Variants in SPECC1L observed in about 807,000 individuals in gnomAD.
SPECC1L encodes the protein sperm antigen with calponin homology and coiled-coil domains 1 like.
In SPECC1L, 40 loss-of-function variants were observed where a neutral mutation model predicts 116.8. The observed-to-expected ratio is 0.34, with a 90% CI of 0.27 to 0.45. The LOEUF is 0.45. Among genes scored for constraint, SPECC1L ranks in the 20% least tolerant of loss-of-function variants. SPECC1L has a pLI of 1.00. For synonymous variants in SPECC1L, 504 were observed against 500.6 expected (o/e 1.01, Z -0.09); for missense variants, 1,110 against 1,373.6 (o/e 0.81, Z 3.03).
intron 8 of SPECC1L, 82 bp downstream of exon 8, chr22:24,330,513 A>T: frequency 2.0e-6 from 3 of 1,484,024 alleles, no homozygotes; most frequent in Non-Finnish European, 2.8e-6. Context: ...TGCTATGGAA[A>T]AAATGTGGAG....
At chr22:24,298,475 G>T (rs192547790) in intron 2 of SPECC1L, among the ~76,000 whole-genome samples, 35 of 152,040 alleles carry the variant, frequency 2.3e-4, no homozygotes, top group Non-Finnish European at 4.3e-4. Flanking sequence ...CCTTATTAAA[G>T]GAATTGGCTC....
chr22:24,351,512 G>A (rs2146580560), intron 11 of SPECC1L, among the ~76,000 whole-genome samples: 1 of 152,306 alleles, frequency 6.6e-6, no homozygotes, highest in South Asian at 2.1e-4. Flanking sequence ...GTCAGTCTAT[G>A]TAAAAGCTGG....
At chr22:24,306,608 C>T (rs773109380) in intron 3 of SPECC1L, among the ~76,000 whole-genome samples, 4 of 152,168 alleles carry the variant, frequency 2.6e-5, no homozygotes, top group Non-Finnish European at 4.4e-5. Flanking sequence ...GTCTCTAACT[C>T]CTTGGCTTCA....
intron 2 of SPECC1L, among the ~76,000 whole-genome samples, chr22:24,282,732 C>G (rs143056929): frequency 0.011 from 1,639 of 149,160 alleles, 28 homozygotes; most frequent in African/African-American, 0.037. Flanking sequence ...GATCATACAG[C>G]TTTTCTGTTT....
chr22:24,412,911 T>C (rs1344796200), intron 16 of SPECC1L, among the ~76,000 whole-genome samples: 1 of 124,648 alleles, frequency 8.0e-6, no homozygotes, highest in Non-Finnish European at 1.9e-5. Context: ...CCAGCACTTT[T>C]ATCTCACGTG....
chr22:24,312,560 T>C (rs1041814827), intron 3 of SPECC1L, among the ~76,000 whole-genome samples: 1 of 152,232 alleles, frequency 6.6e-6, no homozygotes, highest in African/African-American at 2.4e-5. Flanking sequence ...CCACATATCT[T>C]TAACTGCTCT....
At chr22:24,409,150 T>G (rs780116119) in intron 14 of SPECC1L, among the ~76,000 whole-genome samples, 1 of 152,236 alleles carries the variant, frequency 6.6e-6, no homozygotes, top group Non-Finnish European at 1.5e-5. Flanking sequence ...TAGTTAATAA[T>G]ATAATGATAA....
chr22:24,340,091 C>T (rs1445957664), intron 10 of SPECC1L, among the ~76,000 whole-genome samples: 9 of 145,268 alleles, frequency 6.2e-5, no homozygotes, highest in Admixed American at 1.4e-4. Context: ...GACATTATGT[C>T]GTAATTTAAA....
In SPECC1L at chr22:24,412,593, C is replaced by T. The variant is rs868283112; in HGVS notation, c.3205-55C>T. On this transcript the variant is annotated intron_variant, in intron 15 of 16. Transcript: ENST00000314328. ...CTGTCCCAGGCAGTTGTGGAGGCCA[C>T]GTGACTTTCTCTGTGCCTTGTTCAT... 5.2e-5 allele frequency: 82 copies of T among 1,570,948 alleles called. No individual in the cohort carries two copies. The Middle Eastern group carries it at 2.3e-3, about 45-fold the overall frequency.
intron 15 of SPECC1L, 64 bp from the exon 16 acceptor site, chr22:24,412,584 T>G: frequency 6.7e-7 from 1 of 1,503,008 alleles, no homozygotes; most frequent in Non-Finnish European, 9.3e-7. Context: ...CAGGCAGTTG[T>G]GGAGGCCACG....
chr22:24,300,167 T>G (rs1290856385), intron 2 of SPECC1L, among the ~76,000 whole-genome samples: 3 of 152,176 alleles, frequency 2.0e-5, no homozygotes, highest in Non-Finnish European at 1.5e-5. Flanking sequence ...CTGGTGTGTG[T>G]TGTTCCCTTC....
intron 3 of SPECC1L, among the ~76,000 whole-genome samples, chr22:24,309,466 T>A (rs1232679439): frequency 6.6e-6 from 1 of 152,170 alleles, no homozygotes; most frequent in Admixed American, 6.5e-5. Flanking sequence ...AGTGGCGAGA[T>A]CTCGGCTCAC....
At chr22:24,355,703 A>C (rs191228551) in intron 11 of SPECC1L, among the ~76,000 whole-genome samples, 11 of 152,298 alleles carry the variant, frequency 7.2e-5, no homozygotes, top group African/African-American at 2.4e-4. Context: ...AAGTTACTTA[A>C]GCCAGTTCCT....
chr22:24,326,459 C>T (rs534036844), intron 6 of SPECC1L, among the ~76,000 whole-genome samples: 4 of 152,138 alleles, frequency 2.6e-5, no homozygotes, highest in Non-Finnish European at 5.9e-5. Flanking sequence ...GCATTAGACT[C>T]GTCTACTCAG....
Position 24,347,154 on chromosome 22 carries a change from CTA to C in SPECC1L, c.2723_2724del (p.Tyr908TrpfsTer40). On this transcript the variant is annotated frameshift_variant, in exon 11 of 17. Transcript: ENST00000314328. LOFTEE classifies it high-confidence loss of function. ...LTALSDKRPN[Y>X]GEIPVQEHLL... ...CAGCCCTGTCAGATAAGAGACCAAA[CTA>C]TGGGGAAATCCCTGTTCAAGGTACG... 1 of 1,613,776 alleles carries C rather than the reference CTA, an allele frequency of 6.2e-7. No individual in the cohort carries two copies. The highest frequency in any genetic ancestry group is 8.5e-7 in the Non-Finnish European group (1 of 1,179,722).
intron 6 of SPECC1L, among the ~76,000 whole-genome samples, chr22:24,326,075 T>C (rs1453754719): frequency 6.6e-6 from 1 of 152,102 alleles, no homozygotes; most frequent in Non-Finnish European, 1.5e-5. Flanking sequence ...TGCTTCAGCC[T>C]CCTGTGTAGC....
chr22:24,414,983 C>T lies in SPECC1L; in HGVS notation c.*360C>T. The T allele has an allele frequency of 3.2e-6, 1 of 314,570 alleles. No homozygotes were observed. Among genetic ancestry groups the T allele is most frequent in the South Asian group, 3.0e-5 (1 of 33,722 alleles). 19.5% of individuals were successfully genotyped at this position (314,570 alleles called of 1,614,324 possible). A position where few individuals can be genotyped will look rare whatever the true frequency, so the allele number is the denominator to read the frequency against. On this transcript the variant is annotated 3_prime_UTR_variant, in exon 17 of 17. Coordinates refer to ENST00000314328, the MANE Select transcript of SPECC1L (RefSeq NM_015330.6). ...TGAATTTGGGAAAAGGGATTCAGTT[C>T]TGTGGGAAACTCACTAGGGTTGATG...
At chr22:24,407,343 GC>G (rs2042611312) in intron 14 of SPECC1L, among the ~76,000 whole-genome samples, 1 of 152,230 alleles carries the variant, frequency 6.6e-6, no homozygotes, top group South Asian at 2.1e-4. Flanking sequence ...TCCAGGTGGG[GC>G]GGGGGTGCTG....
intron 14 of SPECC1L, among the ~76,000 whole-genome samples, chr22:24,409,469 C>T (rs925858334): frequency 2.0e-5 from 3 of 152,036 alleles, no homozygotes; most frequent in Admixed American, 2.0e-4. Flanking sequence ...TACATACCAG[C>T]TGAATTGCAG....
Sources: gnomAD v4.1 joint callset for allele counts (sites outside exome capture counted in the v4.1 genomes callset) on GRCh38, gnomAD v4.1.1 for gene constraint, MANE v1.5 for transcripts, NCBI Gene and HGNC (gene_info 2026-07-23, HGNC 2026-07-21) for gene names.